GSTCD: variants seen among roughly 807,000 people sequenced by gnomAD.
GSTCD encodes the protein glutathione S-transferase C-terminal domain-containing protein.
Under a neutral mutation model 68.3 loss-of-function variants are expected in GSTCD, and 44 were observed. The observed-to-expected ratio is 0.64, with a 90% CI of 0.51 to 0.83. The LOEUF (loss-of-function observed/expected upper bound fraction) is 0.83. GSTCD is among the 40% of genes least tolerant of loss of function. GSTCD has a pLI of 0.00. For missense variants in GSTCD, 739 were observed against 735.9 expected, an observed-to-expected ratio of 1.00 and a Z score of -0.05; for synonymous variants, 273 against 255.2, an observed-to-expected ratio of 1.07 and a Z score of -0.67.
At chr4:105,842,724 C>G (rs887459736) in intron 11 of GSTCD, among the ~76,000 whole-genome samples, 1 of 152,142 alleles carries the variant, frequency 6.6e-6, no homozygotes, top group Non-Finnish European at 1.5e-5. Context: ...AAGCACTGAG[C>G]TAAATGCTCT....
intron 1 of GSTCD, 37 bp from the exon 2 acceptor site, chr4:105,717,556 T>C (rs1732717942): frequency 1.6e-6 from 2 of 1,215,908 alleles, no homozygotes; most frequent in Non-Finnish European, 2.3e-6. Context: ...TAAATGATTA[T>C]ATTCTAAGAC....
At chr4:105,814,696 G>T (rs746859482) in intron 5 of GSTCD, among the ~76,000 whole-genome samples, 1 of 152,136 alleles carries the variant, frequency 6.6e-6, no homozygotes, top group Admixed American at 6.6e-5. Context: ...GACCTATGCG[G>T]ATATCAATAC....
chr4:105,720,009 T>C (rs959787858), intron 3 of GSTCD, among the ~76,000 whole-genome samples: 4 of 152,154 alleles, frequency 2.6e-5, no homozygotes, highest in Non-Finnish European at 5.9e-5. Flanking sequence ...CTTAAATTAA[T>C]CTTATGTTAG....
At chr4:105,739,533 G>A (rs1733563883) in intron 5 of GSTCD, among the ~76,000 whole-genome samples, 1 of 152,138 alleles carries the variant, frequency 6.6e-6, no homozygotes, top group South Asian at 2.1e-4. Context: ...ATTCCATCTT[G>A]TTACTCATAA....
intron 5 of GSTCD, among the ~76,000 whole-genome samples, chr4:105,805,729 A>G (rs1033019620): frequency 2.0e-5 from 3 of 152,158 alleles, no homozygotes; most frequent in Non-Finnish European, 2.9e-5. Flanking sequence ...ATTGCACTAA[A>G]GTGAGGCAAT....
intron 5 of GSTCD, among the ~76,000 whole-genome samples, chr4:105,759,310 T>TTTATTA (rs958364225): frequency 1.3e-5 from 2 of 151,726 alleles, no homozygotes; most frequent in Non-Finnish European, 2.9e-5. Context: ...CCCAAGAATA[T>TTTATTA]TTATTATTAT....
intron 5 of GSTCD, among the ~76,000 whole-genome samples, chr4:105,783,750 A>G (rs978400225): frequency 7.9e-5 from 12 of 152,308 alleles, no homozygotes; most frequent in African/African-American, 2.6e-4. Context: ...AATGTCATCA[A>G]TTGTCCCAAT....
intron 5 of GSTCD, among the ~76,000 whole-genome samples, chr4:105,733,015 A>C (rs948771780): frequency 3.3e-5 from 5 of 152,174 alleles, no homozygotes; most frequent in South Asian, 2.1e-4. Flanking sequence ...TGAGTTTCTT[A>C]ATGCTGAGTT....
Position 105,717,780 on chromosome 4 carries a change from T to A in GSTCD, c.167T>A (p.Val56Glu). The change falls in exon 2 of 12, where the codon GTG becomes GAG. Residue 56 changes from valine to glutamate, a missense_variant. By Grantham distance (121) the Val-to-Glu change is moderately radical. Transcript: ENST00000515279. ...FKICLVVTKE[V>E]SRDSSLLRDD... ...ATTTGCTTAGTTGTCACCAAAGAGGTGAGTAGAGATAGTTCACTACTAAGA... is the reference window on the plus strand; with the variant it reads ...ATTTGCTTAGTTGTCACCAAAGAGGAGAGTAGAGATAGTTCACTACTAAGA... The A allele has an allele frequency of 3.1e-6, 5 of 1,613,950 alleles. No individual in the cohort carries two copies. The highest frequency in any genetic ancestry group is 4.2e-6 in the Non-Finnish European group (5 of 1,179,904).
At chr4:105,819,134 G>A (rs745441585) in intron 5 of GSTCD, among the ~76,000 whole-genome samples, 8 of 151,740 alleles carry the variant, frequency 5.3e-5, no homozygotes, top group Non-Finnish European at 5.9e-5. Flanking sequence ...AACAAGCAAT[G>A]TCATTTCCTA....
intron 5 of GSTCD, among the ~76,000 whole-genome samples, chr4:105,805,262 T>C (rs1722443841): frequency 6.6e-6 from 1 of 152,116 alleles, no homozygotes. Context: ...TATGTATTTC[T>C]CCACTGTGTT....
chr4:105,775,687 C>G (rs911464969), intron 5 of GSTCD, among the ~76,000 whole-genome samples: 3 of 152,230 alleles, frequency 2.0e-5, no homozygotes, highest in Non-Finnish European at 4.4e-5. Context: ...GGCTGCAGAA[C>G]AGCAAAGATT....
chr4:105,741,575 C>G (rs1733631880), intron 5 of GSTCD, among the ~76,000 whole-genome samples: 1 of 152,112 alleles, frequency 6.6e-6, no homozygotes, highest in Admixed American at 6.5e-5. Context: ...ATCCATAATT[C>G]ATCGACTTGG....
At chr4:105,769,470 T>A (rs1490060447) in intron 5 of GSTCD, among the ~76,000 whole-genome samples, 2 of 152,198 alleles carry the variant, frequency 1.3e-5, no homozygotes, top group African/African-American at 4.8e-5. Context: ...TGAAGCTTCA[T>A]CTTTTACTAT....
intron 5 of GSTCD, chr4:105,821,273 GT>G (rs1355909657): frequency 6.6e-6 from 1 of 151,870 alleles, no homozygotes; most frequent in African/African-American, 2.4e-5. Context: ...AGTATAGTAA[GT>G]TGTTAATGGT....
At chr4:105,709,381 A>C (rs550910070) in intron 1 of GSTCD, among the ~76,000 whole-genome samples, 68 of 152,232 alleles carry the variant, frequency 4.5e-4, no homozygotes, top group Non-Finnish European at 8.4e-4. Flanking sequence ...CTTGGGTCAC[A>C]CTAACTTCTC....
intron 5 of GSTCD, among the ~76,000 whole-genome samples, chr4:105,733,847 G>C (rs1009479437): frequency 6.6e-6 from 1 of 152,120 alleles, no homozygotes; most frequent in Non-Finnish European, 1.5e-5. Context: ...TCCATGTTTA[G>C]TGCTTCCTTC....
At chr4:105,812,448 G>A (rs575125599) in intron 5 of GSTCD, among the ~76,000 whole-genome samples, 31 of 152,060 alleles carry the variant, frequency 2.0e-4, no homozygotes, top group African/African-American at 4.8e-4. Context: ...CAGTCTTTCC[G>A]CCTCTGCCTC....
At chr4:105,805,548 G>A (rs1266421222) in intron 5 of GSTCD, among the ~76,000 whole-genome samples, 4 of 151,954 alleles carry the variant, frequency 2.6e-5, no homozygotes, top group African/African-American at 9.7e-5. Flanking sequence ...TTTTTAACAG[G>A]TGGTTTGGGA....
Sources: allele counts gnomAD v4.1 joint callset (sites outside exome capture counted in the v4.1 genomes callset), GRCh38; gene constraint gnomAD v4.1.1; transcripts MANE v1.5; gene names NCBI Gene and HGNC (gene_info 2026-07-23, HGNC 2026-07-21).